SLC24A3: variants seen among roughly 807,000 people sequenced by gnomAD.
SLC24A3 encodes the protein sodium/potassium/calcium exchanger 3.
Under a neutral mutation model 75.8 loss-of-function variants are expected in SLC24A3, and 28 were observed. The ratio of observed to expected loss-of-function variants is 0.37; its 90% CI spans 0.27 to 0.51. The LOEUF is 0.51. Ranked by LOEUF, SLC24A3 falls within the 20% of genes least tolerant of loss-of-function variation. SLC24A3 has a pLI of 0.94. For missense variants in SLC24A3, 663 were observed against 847.8 expected, an observed-to-expected ratio of 0.78 and a Z score of 2.71; for synonymous variants, 372 against 334.1, an observed-to-expected ratio of 1.11 and a Z score of -1.24.
chr20:19,241,140 T>C (rs1469562039), intron 1 of SLC24A3, among the ~76,000 whole-genome samples: 2 of 152,222 alleles, frequency 1.3e-5, no homozygotes, highest in Non-Finnish European at 2.9e-5. Context: ...AAACCAACCA[T>C]GTCCAAAAAG....
At chr20:19,641,959 T>C (rs929338719) in intron 6 of SLC24A3, among the ~76,000 whole-genome samples, 1 of 152,206 alleles carries the variant, frequency 6.6e-6, no homozygotes, top group African/African-American at 2.4e-5. Context: ...ACTAACCATG[T>C]GCACTCTGCA....
chr20:19,479,569 G>A (rs1166560842), intron 2 of SLC24A3, among the ~76,000 whole-genome samples: 2 of 152,230 alleles, frequency 1.3e-5, no homozygotes, highest in Admixed American at 1.3e-4. Context: ...TTTGGTGTGT[G>A]AGTGGGGAAG....
intron 2 of SLC24A3, among the ~76,000 whole-genome samples, chr20:19,428,597 C>T (rs558187091): frequency 1.3e-5 from 2 of 152,332 alleles, no homozygotes; most frequent in East Asian, 1.9e-4. Flanking sequence ...AGTGTAATTG[C>T]TCATGTGAGT....
chr20:19,618,372 C>T (rs1326609554), intron 6 of SLC24A3, among the ~76,000 whole-genome samples: 1 of 152,206 alleles, frequency 6.6e-6, no homozygotes, highest in African/African-American at 2.4e-5. Context: ...GCCTCCTCAC[C>T]TTGCAGGTGC....
intron 13 of SLC24A3, 43 bp from the exon 14 acceptor site, chr20:19,696,753 CT>C: frequency 7.2e-7 from 1 of 1,382,608 alleles, no homozygotes; most frequent in African/African-American, 1.4e-5. Flanking sequence ...GCAGGTGGGG[CT>C]TGAGGTGACC....
At chr20:19,720,467 C>T (rs1403647355) in intron 16 of SLC24A3, among the ~76,000 whole-genome samples, 1 of 152,110 alleles carries the variant, frequency 6.6e-6, no homozygotes, top group Admixed American at 6.5e-5. Context: ...TGGGAAGAAC[C>T]GAGATTCCAG....
chr20:19,522,055 C>T (rs1020359046), intron 3 of SLC24A3, among the ~76,000 whole-genome samples: 12 of 152,262 alleles, frequency 7.9e-5, no homozygotes, highest in East Asian at 3.9e-4. Flanking sequence ...TGCTGTCTAA[C>T]GTGGTAGCCA....
intron 6 of SLC24A3, among the ~76,000 whole-genome samples, chr20:19,621,748 C>T (rs574478383): frequency 6.6e-6 from 1 of 152,182 alleles, no homozygotes; most frequent in East Asian, 1.9e-4. Flanking sequence ...GTACCCAGAA[C>T]CACATGAAAG....
At chr20:19,678,408 A>G (rs868477555) in intron 9 of SLC24A3, among the ~76,000 whole-genome samples, 16,572 of 79,724 alleles carry the variant, frequency 0.21, 1,350 homozygotes, top group African/African-American at 0.32. Context: ...CCCAGTAGGG[A>G]CGGCCAGGCA....
intron 15 of SLC24A3, among the ~76,000 whole-genome samples, chr20:19,707,018 C>G (rs948900283): frequency 6.6e-6 from 1 of 152,170 alleles, no homozygotes; most frequent in African/African-American, 2.4e-5. Context: ...GCCTCTCATT[C>G]TCTTTGGACC....
At chr20:19,454,272 A>C (rs1451863624) in intron 2 of SLC24A3, among the ~76,000 whole-genome samples, 1 of 152,202 alleles carries the variant, frequency 6.6e-6, no homozygotes, top group Non-Finnish European at 1.5e-5. Flanking sequence ...GTGTTCCCCA[A>C]CCTCTAAACC....
chr20:19,461,679 C>G (rs780763377), intron 2 of SLC24A3, among the ~76,000 whole-genome samples: 2 of 151,726 alleles, frequency 1.3e-5, no homozygotes, highest in Non-Finnish European at 2.9e-5. Flanking sequence ...ATAACAAGTG[C>G]GCACCACCAC....
At chr20:19,604,494 G>T (rs113518616) in intron 6 of SLC24A3, among the ~76,000 whole-genome samples, 1 of 152,174 alleles carries the variant, frequency 6.6e-6, no homozygotes, top group Non-Finnish European at 1.5e-5. Flanking sequence ...AGGGCTGGGT[G>T]GGGGGTCCTG....
intron 2 of SLC24A3, among the ~76,000 whole-genome samples, chr20:19,330,168 C>T (rs562829104): frequency 2.4e-4 from 36 of 152,280 alleles, no homozygotes; most frequent in Non-Finnish European, 3.5e-4. Flanking sequence ...TGCAGGGATG[C>T]GGTGCTGTTG....
intron 2 of SLC24A3, among the ~76,000 whole-genome samples, chr20:19,287,030 G>C (rs1193652701): frequency 6.6e-6 from 1 of 152,204 alleles, no homozygotes; most frequent in African/African-American, 2.4e-5. Context: ...AATGTGATCT[G>C]CTTTTTAATT....
chr20:19,605,612 T>C (rs989210221), intron 6 of SLC24A3, among the ~76,000 whole-genome samples: 1 of 152,190 alleles, frequency 6.6e-6, no homozygotes, highest in Non-Finnish European at 1.5e-5. Context: ...ACGTGCTGTC[T>C]GCTTTTTAAT....
At chr20:19,473,711 G>C (rs1311015725) in intron 2 of SLC24A3, among the ~76,000 whole-genome samples, 1 of 152,194 alleles carries the variant, frequency 6.6e-6, no homozygotes, top group Non-Finnish European at 1.5e-5. Context: ...GACTCTCTCA[G>C]GGACAATGCT....
At chr20:19,314,929 C>A (rs1486709533) in intron 2 of SLC24A3, among the ~76,000 whole-genome samples, 1 of 152,156 alleles carries the variant, frequency 6.6e-6, no homozygotes, top group Non-Finnish European at 1.5e-5. Context: ...TGCAGTATCA[C>A]CCTGTCATCT....
At chr20:19,413,814 T>C (rs1402170462) in intron 2 of SLC24A3, among the ~76,000 whole-genome samples, 1 of 152,212 alleles carries the variant, frequency 6.6e-6, no homozygotes, top group Non-Finnish European at 1.5e-5. Flanking sequence ...AATCAATCAA[T>C]AGGTTTGACG....
Sources: allele counts gnomAD v4.1 joint callset (sites outside exome capture counted in the v4.1 genomes callset), GRCh38; gene constraint gnomAD v4.1.1; transcripts MANE v1.5; gene names NCBI Gene and HGNC (gene_info 2026-07-23, HGNC 2026-07-21).